The following GABRB2 variants were observed in gnomAD, a reference collection of about 807,000 sequenced individuals.
The protein encoded by GABRB2 is gamma-aminobutyric acid receptor subunit beta-2.
A neutral mutation model predicts 54.7 loss-of-function variants in GABRB2; 16 were observed. That is an observed-to-expected ratio of 0.29 (90% CI 0.20 to 0.44). The LOEUF is 0.44. GABRB2 is among the 20% of genes least tolerant of loss of function. GABRB2 has a pLI of 1.00. For synonymous variants in GABRB2, 244 were observed against 233.8 expected, an observed-to-expected ratio of 1.04 and a Z score of -0.40; for missense variants, 355 against 644.0, an observed-to-expected ratio of 0.55 and a Z score of 4.86.
intron 3 of GABRB2, among the ~76,000 whole-genome samples, chr5:161,494,217 T>C (rs746328910): frequency 1.3e-5 from 2 of 151,856 alleles, no homozygotes; most frequent in African/African-American, 4.8e-5. Context: ...AAACATTCCT[T>C]TCTTTCAACT....
chr5:161,291,120 T>G lies in GABRB2; in HGVS notation c.*2961A>C, dbSNP rs1462495787. 6.6e-6 allele frequency: 1 copy of G among 152,504 alleles called. No homozygotes were observed. Among genetic ancestry groups the G allele is most frequent in the African/African-American group, 2.4e-5 (1 of 41,426 alleles). 9.4% of individuals were successfully genotyped at this position (152,504 alleles called of 1,614,324 possible). ...ACTCTGAAATGCATTTCATACCTAC[T>G]AGCGGTCATGTACAATATATATATA... On this transcript the variant is annotated 3_prime_UTR_variant, in exon 10 of 10. Transcript: ENST00000393959.
At chr5:161,407,757 G>A (rs1337491353) in intron 5 of GABRB2, among the ~76,000 whole-genome samples, 1 of 151,892 alleles carries the variant, frequency 6.6e-6, no homozygotes, top group Non-Finnish European at 1.5e-5. Context: ...CACAGGTAAC[G>A]GCAACATTTA....
chr5:161,356,056 G>A (rs1754617416), intron 5 of GABRB2, among the ~76,000 whole-genome samples: 1 of 152,084 alleles, frequency 6.6e-6, no homozygotes, highest in East Asian at 1.9e-4. Flanking sequence ...AATAAAAGGA[G>A]CAAGGATGAG....
chr5:161,533,686 A>C (rs1760538169), intron 3 of GABRB2, among the ~76,000 whole-genome samples: 1 of 151,872 alleles, frequency 6.6e-6, no homozygotes, highest in African/African-American at 2.4e-5. Flanking sequence ...CTTTCTTTGC[A>C]AAAAAAAGAT....
intron 5 of GABRB2, among the ~76,000 whole-genome samples, chr5:161,386,439 C>T (rs1755634129): frequency 6.6e-6 from 1 of 152,038 alleles, no homozygotes; most frequent in African/African-American, 2.4e-5. Context: ...CTCATACATT[C>T]CAGGAAGCTG....
At chr5:161,414,830 A>G (rs1211682368) in intron 4 of GABRB2, among the ~76,000 whole-genome samples, 2 of 152,120 alleles carry the variant, frequency 1.3e-5, no homozygotes, top group Non-Finnish European at 2.9e-5. Context: ...TTTTGATGCA[A>G]TTATCTATAT....
intron 4 of GABRB2, among the ~76,000 whole-genome samples, chr5:161,429,727 T>C (rs2113171461): frequency 6.6e-6 from 1 of 152,288 alleles, no homozygotes; most frequent in East Asian, 1.9e-4. Flanking sequence ...CACAGAATGC[T>C]AAAATTATAA....
At chr5:161,318,481 G>A (rs1206657811) in intron 9 of GABRB2, among the ~76,000 whole-genome samples, 1 of 151,944 alleles carries the variant, frequency 6.6e-6, no homozygotes, top group Admixed American at 6.6e-5. Flanking sequence ...ATAATTCACA[G>A]ATTTCCAATG....
intron 3 of GABRB2, among the ~76,000 whole-genome samples, chr5:161,495,833 T>A (rs546524259): frequency 1.8e-3 from 274 of 152,222 alleles, no homozygotes; most frequent in African/African-American, 6.3e-3. Context: ...TATCCTTATA[T>A]CTTCTATAAT....
chr5:161,294,916 C>T (rs556150766), intron 9 of GABRB2, among the ~76,000 whole-genome samples: 1 of 152,232 alleles, frequency 6.6e-6, no homozygotes, highest in South Asian at 2.1e-4. Flanking sequence ...AAGTACTTGC[C>T]ATTTATGTCA....
At chr5:161,537,349 C>T (rs1760670118) in intron 3 of GABRB2, among the ~76,000 whole-genome samples, 1 of 152,144 alleles carries the variant, frequency 6.6e-6, no homozygotes, top group South Asian at 2.1e-4. Context: ...ATTTGTACAC[C>T]TATATTTTCC....
intron 3 of GABRB2, among the ~76,000 whole-genome samples, chr5:161,509,253 C>T (rs965339594): frequency 6.6e-6 from 1 of 151,964 alleles, no homozygotes; most frequent in Non-Finnish European, 1.5e-5. Flanking sequence ...TGATTTCCAT[C>T]TATGACAATA....
At chr5:161,375,486 G>C (rs1755267720) in intron 5 of GABRB2, among the ~76,000 whole-genome samples, 1 of 152,104 alleles carries the variant, frequency 6.6e-6, no homozygotes, top group Non-Finnish European at 1.5e-5. Flanking sequence ...CATGGATGTT[G>C]CTCCCCAGAG....
chr5:161,300,590 T>A (rs555045223), intron 9 of GABRB2, among the ~76,000 whole-genome samples: 1 of 152,304 alleles, frequency 6.6e-6, no homozygotes, highest in South Asian at 2.1e-4. Flanking sequence ...CTGACTCAGG[T>A]AGTGGTTTGG....
chr5:161,393,356 C>A (rs1426553499), intron 5 of GABRB2, among the ~76,000 whole-genome samples: 3 of 122,428 alleles, frequency 2.5e-5, no homozygotes, highest in Non-Finnish European at 4.9e-5. Context: ...GCCACACACC[C>A]ATTTTTAGTG....
chr5:161,450,001 T>C (rs1757746396), intron 4 of GABRB2, among the ~76,000 whole-genome samples: 1 of 152,174 alleles, frequency 6.6e-6, no homozygotes, highest in African/African-American at 2.4e-5. Flanking sequence ...CAAAAGCCCA[T>C]TAATAAAATA....
chr5:161,389,314 AC>A (rs1465777910), intron 5 of GABRB2, among the ~76,000 whole-genome samples: 1 of 152,036 alleles, frequency 6.6e-6, no homozygotes, highest in African/African-American at 2.4e-5. Flanking sequence ...CCCCGTGGAA[AC>A]TAGATAATTA....
chr5:161,330,852 G>GA, intron 8 of GABRB2, 31 bp downstream of exon 8: 1 of 1,613,744 alleles, frequency 6.2e-7, no homozygotes, highest in Non-Finnish European at 8.5e-7. Context: ...ATGAGTTTAA[G>GA]AAGCAAGGAG....
intron 3 of GABRB2, among the ~76,000 whole-genome samples, chr5:161,542,721 C>T (rs965195110): frequency 6.6e-6 from 1 of 152,148 alleles, no homozygotes; most frequent in Non-Finnish European, 1.5e-5. Flanking sequence ...TTACAATTAC[C>T]AGAGACTGCA....
Sources: gnomAD v4.1 joint callset for allele counts (sites outside exome capture counted in the v4.1 genomes callset) on GRCh38, gnomAD v4.1.1 for gene constraint, MANE v1.5 for transcripts, NCBI Gene and HGNC (gene_info 2026-07-23, HGNC 2026-07-21) for gene names.